NTM: variants seen among roughly 807,000 people sequenced by gnomAD.
NTM encodes the protein IgLON family member 2.
Under a neutral mutation model 42.1 loss-of-function variants are expected in NTM, and 13 were observed. The observed-to-expected ratio is 0.31, with a 90% CI of 0.20 to 0.49. The LOEUF is 0.49. Ranked by LOEUF, NTM falls within the 20% of genes least tolerant of loss-of-function variation. The probability of loss-of-function intolerance (pLI) is 0.99; values close to 1 mark genes in which losing one functional copy is unlikely to be tolerated. For synonymous variants in NTM, 187 were observed against 179.2 expected, an observed-to-expected ratio of 1.04 and a Z score of -0.35; for missense variants, 373 against 452.8, an observed-to-expected ratio of 0.82 and a Z score of 1.60.
At chr11:131,651,640 G>A (rs1490072625) in intron 1 of NTM, among the ~76,000 whole-genome samples, 1 of 152,098 alleles carries the variant, frequency 6.6e-6, no homozygotes, top group Non-Finnish European at 1.5e-5. Context: ...AAGAGATAGA[G>A]ACCATCCTGG....
At chr11:131,576,008 G>A (rs893958555) in intron 1 of NTM, among the ~76,000 whole-genome samples, 10 of 152,048 alleles carry the variant, frequency 6.6e-5, no homozygotes, top group South Asian at 4.2e-4. Context: ...ATCTTCCTTC[G>A]TGCTCAATAG....
In NTM at chr11:132,003,257, C is replaced by T. The variant is rs551995; in HGVS notation, c.167+91609C>T. On this transcript the variant is annotated intron_variant, in intron 2 of 8. Coordinates refer to ENST00000683400, the MANE Select transcript of NTM (RefSeq NM_001352005.2). The surrounding 1 kb of genome is among the most constrained non-coding windows in gnomAD (Gnocchi z 6.0). ...ACCCACACCCTTAGAGTTTTTTTTT[C>T]TTTTTTTTTTTTGACAGGTTATTTG... Among the ~76,000 whole-genome samples the T allele has an allele frequency of 0.038, 5,086 of 132,156 alleles. 127 individuals are homozygous for T. The highest frequency in any genetic ancestry group is 0.15 in the South Asian group (608 of 3,970). 86.7% of individuals were successfully genotyped at this position (132,156 alleles called of 152,430 possible). A position where few individuals can be genotyped will look rare whatever the true frequency, so the allele number is the denominator to read the frequency against.
At chr11:131,497,381 G>T (rs78874180) in intron 1 of NTM, among the ~76,000 whole-genome samples, 6 of 151,368 alleles carry the variant, frequency 4.0e-5, no homozygotes, top group African/African-American at 9.7e-5. Flanking sequence ...TAGAGACGGG[G>T]TTTCACCATG....
At chr11:131,382,379 A>ATAATTGAGTATAGGTAATAT in intron 1 of NTM, among the ~76,000 whole-genome samples, 2 of 152,234 alleles carry the variant, frequency 1.3e-5, no homozygotes, top group Admixed American at 1.3e-4. Flanking sequence ...AAATAAAAAA[A>ATAATTGAGTATAGGTAATAT]TAATTGAGTA....
At chr11:131,468,526 A>G (rs935746248) in intron 1 of NTM, among the ~76,000 whole-genome samples, 2 of 152,168 alleles carry the variant, frequency 1.3e-5, no homozygotes, top group Non-Finnish European at 2.9e-5. Flanking sequence ...ATGCAGAGTA[A>G]TTGCTTTGGT....
At chr11:131,443,449 C>T (rs1259160318) in intron 1 of NTM, among the ~76,000 whole-genome samples, 1 of 152,114 alleles carries the variant, frequency 6.6e-6, no homozygotes, top group Non-Finnish European at 1.5e-5. Flanking sequence ...GATTGAGGTG[C>T]CTGTGAATCA....
At chr11:131,674,613 A>G (rs1299629150) in intron 1 of NTM, among the ~76,000 whole-genome samples, 1 of 152,222 alleles carries the variant, frequency 6.6e-6, no homozygotes. Flanking sequence ...CTATGATTGT[A>G]GTCTTTTTCT....
intron 4 of NTM, among the ~76,000 whole-genome samples, chr11:132,230,438 T>C (rs936351412): frequency 1.3e-5 from 2 of 152,240 alleles, no homozygotes; most frequent in Non-Finnish European, 2.9e-5. Context: ...AGATGGGACC[T>C]GCACCCAGCC....
At chr11:131,569,530 C>T (rs1374218366) in intron 1 of NTM, among the ~76,000 whole-genome samples, 1 of 151,342 alleles carries the variant, frequency 6.6e-6, no homozygotes, top group African/African-American at 2.4e-5. Context: ...CCTACTTTTA[C>T]ACTCAGGTTT....
intron 7 of NTM, among the ~76,000 whole-genome samples, chr11:132,327,863 T>C (rs1048090414): frequency 2.7e-5 from 4 of 150,744 alleles, no homozygotes; most frequent in Admixed American, 6.6e-5. Flanking sequence ...TTTTCTTCCT[T>C]TCTTTTCAAC....
chr11:131,625,834 C>T (rs2063049556), intron 1 of NTM, among the ~76,000 whole-genome samples: 1 of 152,182 alleles, frequency 6.6e-6, no homozygotes, highest in Admixed American at 6.5e-5. Context: ...TCCTCTGTGG[C>T]TGGCTTCCTC....
rs548985894 is a variant in NTM at position 131,603,694 on chromosome 11, C to T, written c.82+232806C>T. 5.9e-5 allele frequency among the ~76,000 whole-genome samples: 9 copies of T among 152,288 alleles called. No homozygotes were observed. In the East Asian group the frequency reaches 7.7e-4, roughly 13 times the overall value. On this transcript the variant is annotated intron_variant, in intron 1 of 8. Coordinates refer to ENST00000683400, the MANE Select transcript of NTM (RefSeq NM_001352005.2). The stretch of plus-strand genomic sequence containing the variant: ...TTAACAAGCACTCTTGACATTGTCC[C>T]GTACACTCAGCACTGGGCAACCGTT...
At chr11:131,588,401 C>A (rs903341142) in intron 1 of NTM, among the ~76,000 whole-genome samples, 1 of 152,222 alleles carries the variant, frequency 6.6e-6, no homozygotes, top group Admixed American at 6.5e-5. Context: ...AAACAAAAAT[C>A]CTTTCTCTTG....
chr11:132,108,687 AT>A (rs1228074239), intron 2 of NTM, among the ~76,000 whole-genome samples: 3 of 152,106 alleles, frequency 2.0e-5, no homozygotes, highest in Non-Finnish European at 2.9e-5. Flanking sequence ...GAAATAAAAA[AT>A]TTAAAAAAAA....
At chr11:132,149,231 CAA>C (rs59485155) in intron 3 of NTM, among the ~76,000 whole-genome samples, 13 of 122,886 alleles carry the variant, frequency 1.1e-4, no homozygotes, top group East Asian at 2.5e-4. Flanking sequence ...TCCTGGATTA[CAA>C]AAAAAAAAAA....
At chr11:131,576,858 A>AT (rs2057983881) in intron 1 of NTM, among the ~76,000 whole-genome samples, 1 of 152,152 alleles carries the variant, frequency 6.6e-6, no homozygotes, top group Non-Finnish European at 1.5e-5. Flanking sequence ...GAACTTCTTA[A>AT]TTTTTTTCCA....
At chr11:132,257,180 G>A (rs1330369415) in intron 4 of NTM, among the ~76,000 whole-genome samples, 1 of 152,354 alleles carries the variant, frequency 6.6e-6, no homozygotes, top group Middle Eastern at 3.4e-3. Context: ...TTTTGTCACT[G>A]CAAGGGGCCA....
At chr11:131,989,143 A>C (rs1248541173) in intron 2 of NTM, among the ~76,000 whole-genome samples, 2 of 152,140 alleles carry the variant, frequency 1.3e-5, no homozygotes, top group Non-Finnish European at 2.9e-5. Context: ...TTTAAAATAC[A>C]CTGGACTGAA....
At chr11:132,320,196 C>G (rs1046052835) in intron 7 of NTM, among the ~76,000 whole-genome samples, 2 of 152,234 alleles carry the variant, frequency 1.3e-5, no homozygotes, top group East Asian at 3.9e-4. Context: ...ATAGGAACAG[C>G]TCTGGTCTAC....
Sources: allele counts gnomAD v4.1 joint callset (sites outside exome capture counted in the v4.1 genomes callset), GRCh38; gene constraint gnomAD v4.1.1; non-coding constraint Gnocchi (gnomAD v3.1); transcripts MANE v1.5; gene names NCBI Gene and HGNC (gene_info 2026-07-23, HGNC 2026-07-21).